ZSWIM8: variants seen among roughly 807,000 people sequenced by gnomAD.
ZSWIM8 encodes the protein zinc finger SWIM domain-containing protein 8.
ZSWIM8 carries 27 observed loss-of-function variants against 173.7 expected under a neutral mutation model. The observed-to-expected ratio is 0.16, with a 90% CI of 0.11 to 0.21. The LOEUF (loss-of-function observed/expected upper bound fraction) is 0.21. ZSWIM8 is among the 10% of genes least tolerant of loss of function. The pLI is 1.00. For missense variants in ZSWIM8, 1,627 were observed against 2,428.8 expected (o/e 0.67, Z 6.94); for synonymous variants, 958 against 962.0 (o/e 1.00, Z 0.08).
In ZSWIM8 at chr10:73,789,398, T is replaced by A; in HGVS notation, c.489T>A (p.Pro163=). 1 of 1,573,476 alleles carries A rather than the reference T, an allele frequency of 6.4e-7. No individual in the cohort carries two copies. Among genetic ancestry groups the A allele is most frequent in the Non-Finnish European group, 8.6e-7 (1 of 1,158,940 alleles). The change falls in exon 4 of 26, where the codon CCT becomes CCA. Residue 163 remains proline, a synonymous_variant. Coordinates refer to ENST00000604729, the MANE Select transcript of ZSWIM8 (RefSeq NM_001367799.1). The surrounding 1 kb of genome is among the most constrained non-coding windows in gnomAD (Gnocchi z 6.8). ...ACCTGAGTGCTACAGTGGTGCCACC[T>A]CAGATGGTCCCTCCTAAAGGGGCCT... ...GFHLSATVVP[P]QMVPPKGAYN...
At chr10:73,788,535 A>T in intron 1 of ZSWIM8, 135 bp from the exon 2 acceptor site, 2 of 1,085,470 alleles carry the variant, frequency 1.8e-6, no homozygotes, top group East Asian at 5.1e-5. Flanking sequence ...GATCCCTAGG[A>T]CTTTCATCCA....
Position 73,785,745 on chromosome 10 carries a change from C to T in ZSWIM8, c.-134C>T. On this transcript the variant is annotated 5_prime_UTR_variant, in exon 1 of 26. In the 5' UTR this introduces an upstream ATG that the reference lacks. Transcript: ENST00000604729. ...CCAGGCCTGAGATTCTCGCCCGGCACGGCCGCCCTGAGCGCCCCGGCCACC... is the reference window on the plus strand; with the variant it reads ...CCAGGCCTGAGATTCTCGCCCGGCATGGCCGCCCTGAGCGCCCCGGCCACC... 2.2e-6 allele frequency: 2 copies of T among 925,398 alleles called. No individual in the cohort carries two copies. Among genetic ancestry groups the T allele is most frequent in the Non-Finnish European group, 3.3e-6 (2 of 604,984 alleles). 57.3% of individuals were successfully genotyped at this position (925,398 alleles called of 1,614,324 possible).
chr10:73,787,268 G>A (rs2083261577), intron 1 of ZSWIM8, among the ~76,000 whole-genome samples: 1 of 152,096 alleles, frequency 6.6e-6, no homozygotes, highest in South Asian at 2.1e-4. Context: ...TAGGAGTGGC[G>A]GACTGGTGGC....
At chr10:73,788,985 C>A in intron 2 of ZSWIM8, 111 bp from the exon 3 acceptor site, 1 of 716,496 alleles carries the variant, frequency 1.4e-6, no homozygotes, top group Non-Finnish European at 2.2e-6. Flanking sequence ...ACCCCCCGCC[C>A]TGGGGAAGGA....
chr10:73,800,974 G>A lies in ZSWIM8; in HGVS notation c.5123-43G>A, dbSNP rs567650761. ...ATCTGTAAGTTGGGTCCCTAGGGCA[G>A]AGGTGGCCACCCCCGTCTCATGCCC... On this transcript the variant is annotated intron_variant, in intron 24 of 25. Coordinates refer to ENST00000604729, the MANE Select transcript of ZSWIM8 (RefSeq NM_001367799.1). This position sits in a 1 kb window ranked among gnomAD's most constrained non-coding sequence, Gnocchi z 4.1. 1.2e-4 allele frequency: 189 copies of A among 1,513,256 alleles called. No homozygotes were observed. In the Middle Eastern group the frequency reaches 2.7e-3, roughly 22 times the overall value. The allele number at this position is 1,513,256 out of a possible 1,614,324, so 93.7% of individuals were successfully genotyped here. A position where few individuals can be genotyped will look rare whatever the true frequency, so the allele number is the denominator to read the frequency against.
In ZSWIM8 at chr10:73,801,149, C is replaced by T. The variant is rs1177813289; in HGVS notation, c.5255C>T (p.Pro1752Leu). ...CATGCCCACAACCACCTGCGTGCCC[C>T]GGCCTTCCACCAACTGGTGCAGCGC... Reference protein sequence around the residue: ...PAHAHNHLRAPAFHQLVQRCQ... With the variant: ...PAHAHNHLRALAFHQLVQRCQ... The change falls in exon 25 of 26, where the codon CCG becomes CTG. Residue 1752 changes from proline to leucine, a missense_variant. Pro to Leu is a moderately conservative substitution (Grantham distance 98). Coordinates refer to ENST00000604729, the MANE Select transcript of ZSWIM8 (RefSeq NM_001367799.1). The surrounding 1 kb of genome is among the most constrained non-coding windows in gnomAD (Gnocchi z 4.9). 10 of 1,594,104 alleles carry T rather than the reference C, an allele frequency of 6.3e-6. No homozygotes were observed. Among genetic ancestry groups the T allele is most frequent in the Non-Finnish European group, 8.5e-6 (10 of 1,171,100 alleles).
chr10:73,790,407 T>C (rs374329130), intron 7 of ZSWIM8, 115 bp downstream of exon 7: 1 of 1,435,858 alleles, frequency 7.0e-7, no homozygotes, highest in South Asian at 1.4e-5. Context: ...TTCCCTGAAC[T>C]GGCACAGTGC....
In ZSWIM8 at chr10:73,798,433, C is replaced by T; in HGVS notation, c.4156C>T (p.Leu1386=). 6.2e-7 allele frequency: 1 copy of T among 1,613,916 alleles called. No homozygotes were observed. Among genetic ancestry groups the T allele is most frequent in the Non-Finnish European group, 8.5e-7 (1 of 1,179,864 alleles). The change falls in exon 20 of 26, where the codon CTG becomes TTG. Residue 1386 remains leucine, a synonymous_variant. Transcript: ENST00000604729. ...ALNPNEIQRA[L]VQCKEQDNLM... is the part of the protein sequence containing the mutation. ...GAACCCTAATGAGATCCAGCGGGCC[C>T]TGGTGCAGTGCAAGGAACAGGTATT...
chr10:73,795,131 A>T (rs750865531), intron 14 of ZSWIM8, among the ~76,000 whole-genome samples: 3 of 151,976 alleles, frequency 2.0e-5, no homozygotes, highest in Non-Finnish European at 4.4e-5. Flanking sequence ...ATTGTGTGCT[A>T]TGGGTATTGG....
rs200214824 is a variant in ZSWIM8 at position 73,794,573 on chromosome 10, C to T, written c.2842C>T (p.Arg948Cys). Residue 948 changes from arginine to cysteine, a missense_variant, in exon 14 of 26, where the codon CGC (arginine) becomes TGC (cysteine). By Grantham distance (180) the Arg-to-Cys change is radical. Transcript: ENST00000604729. ...TCCCACAGGTTCCCGGCCCCCAAGT[C>T]GCAACTGGAACAGCGAGACACCTGG... The part of the protein sequence containing the change: ...VSPTGSRPPS[R>C]NWNSETPGDE... 53 of 1,560,830 alleles carry T rather than the reference C, an allele frequency of 3.4e-5. No individual in the cohort carries two copies. In the African/African-American group the frequency reaches 6.3e-4, roughly 18 times the overall value.
chr10:73,795,766 TG>T, intron 15 of ZSWIM8, 103 bp downstream of exon 15: 3 of 1,323,010 alleles, frequency 2.3e-6, no homozygotes, highest in South Asian at 1.4e-5. Flanking sequence ...GAGACAAGCC[TG>T]GGCAACATGG....
rs777895624 is a variant in ZSWIM8 at position 73,800,316 on chromosome 10, T to C, written c.4846T>C (p.Ser1616Pro). 1 of 1,613,860 alleles carries C rather than the reference T, an allele frequency of 6.2e-7. No individual in the cohort carries two copies. The highest frequency in any genetic ancestry group is 8.5e-7 in the Non-Finnish European group (1 of 1,179,832). ...SVALSSVHPA[S>P]TFPAIQGASL... ...CTTAGTGAGCAGTGTCCATCCAGCA[T>C]CCACGTTTCCAGCCATCCAAGGTGC... The change falls in exon 23 of 26, where the codon TCC becomes CCC. Residue 1616 changes from serine (S) to proline (P), a missense_variant. Transcript: ENST00000604729. This position sits in a 1 kb window ranked among gnomAD's most constrained non-coding sequence, Gnocchi z 4.1.
In ZSWIM8 at chr10:73,794,606, G is replaced by A. The variant is rs2083544892; in HGVS notation, c.2875G>A (p.Glu959Lys). The change falls in exon 14 of 26, where the codon GAG becomes AAG. Residue 959 changes from glutamate (E) to lysine (K), a missense_variant. By Grantham distance (56) the Glu-to-Lys change is moderately conservative. Coordinates refer to ENST00000604729, the MANE Select transcript of ZSWIM8 (RefSeq NM_001367799.1). ...NWNSETPGDE[E>K]LGFEAAVAAL... ...GAACAGCGAGACACCTGGGGATGAG[G>A]AGCTTGGATTTGAAGCAGCAGTTGC... 6.4e-7 allele frequency: 1 copy of A among 1,556,218 alleles called. No homozygotes were observed. Among genetic ancestry groups the A allele is most frequent in the Non-Finnish European group, 8.7e-7 (1 of 1,149,402 alleles).
rs2083440477 is a variant in ZSWIM8 at position 73,792,196 on chromosome 10, G to A, written c.1657G>A (p.Gly553Ser). 6.5e-7 allele frequency: 1 copy of A among 1,536,546 alleles called. No individual in the cohort carries two copies. The highest frequency in any genetic ancestry group is 8.8e-7 in the Non-Finnish European group (1 of 1,142,808). Residue 553 changes from glycine (G) to serine (S), a missense_variant, in exon 10 of 26, where the codon GGT becomes AGT. Around this residue, in one of 18 missense-constraint regions of ZSWIM8, gnomAD observed 383 missense variants for 394.8 expected, o/e 0.97. Transcript: ENST00000604729. This position sits in a 1 kb window ranked among gnomAD's most constrained non-coding sequence, Gnocchi z 4.3. Reference sequence around the variant, plus strand: ...GCCTGGGACCAAGCGAAAGGGCTTGGGTGAGGGGGTCCCCTCATCACAGCG... The same window carrying A: ...GCCTGGGACCAAGCGAAAGGGCTTGAGTGAGGGGGTCCCCTCATCACAGCG... The part of the protein sequence containing the change: ...KEPGTKRKGL[G>S]EGVPSSQRGP...
At position 73,790,272 on chromosome 10, in the gene ZSWIM8, C is replaced by T; in HGVS notation, c.921C>T (p.Gly307=). 3 of 1,610,992 alleles carry T rather than the reference C, an allele frequency of 1.9e-6. No individual in the cohort carries two copies. The highest frequency in any genetic ancestry group is 2.2e-5 in the East Asian group (1 of 44,880). ...AAAAGACACTGCACAAGTTCTGTGG[C>T]CCCTCCCCTGTGGTCTTCAGGTAAA... ...NIKKTLHKFC[G]PSPVVFSDVN... is the part of the protein sequence containing the mutation. The change falls in exon 7 of 26, where the codon GGC becomes GGT. Residue 307 remains glycine (G), a synonymous_variant. Transcript: ENST00000604729.
At chr10:73,786,281 C>T (rs1394956229) in intron 1 of ZSWIM8, 195 bp downstream of exon 1, 4 of 600,546 alleles carry the variant, frequency 6.7e-6, no homozygotes, top group East Asian at 3.3e-5. Flanking sequence ...CTCGCTTTTC[C>T]GGCCTTCCTG....
rs772968037 is a variant in ZSWIM8, at chr10:73,789,411, C to T, written c.502C>T (p.Pro168Ser). ...ATVVPPQMVP[P>S]KGAYNVAVMF... is the part of the protein sequence containing the mutation. ...AGTGGTGCCACCTCAGATGGTCCCT[C>T]CTAAAGGGGCCTACAACGTGGCTGT... is the stretch of plus-strand genomic sequence containing the variant. Residue 168 changes from proline (P) to serine (S), a missense_variant, in exon 4 of 26, where the codon CCT becomes TCT. Pro to Ser is a moderately conservative substitution (Grantham distance 74, BLOSUM62 -1). Coordinates refer to ENST00000604729, the MANE Select transcript of ZSWIM8 (RefSeq NM_001367799.1). The surrounding 1 kb of genome is among the most constrained non-coding windows in gnomAD (Gnocchi z 6.8). The T allele has an allele frequency of 1.5e-5, 24 of 1,584,542 alleles. No homozygotes were observed. Among genetic ancestry groups the T allele is most frequent in the Non-Finnish European group, 2.0e-5 (23 of 1,165,358 alleles).
In ZSWIM8 at chr10:73,792,400, A is replaced by G. The variant is rs1445782010; in HGVS notation, c.1861A>G (p.Met621Val). Residue 621 changes from methionine to valine, a missense_variant, in exon 10 of 26, where the codon ATG becomes GTG. Physicochemically the swap from Met to Val is conservative, Grantham distance 21. Transcript: ENST00000604729. This position sits in a 1 kb window ranked among gnomAD's most constrained non-coding sequence, Gnocchi z 4.3. ...DSSLEPDLAE[M>V]SLDDSSLALG... Reference sequence around the variant, plus strand: ...CTCCCTGGAGCCAGACCTGGCCGAGATGAGCCTGGATGACAGCAGCCTGGC... The same window carrying G: ...CTCCCTGGAGCCAGACCTGGCCGAGGTGAGCCTGGATGACAGCAGCCTGGC... 4.4e-6 allele frequency: 7 copies of G among 1,604,332 alleles called. No homozygotes were observed. The highest frequency in any genetic ancestry group is 1.7e-5 in the Admixed American group (1 of 58,098).
Position 73,799,381 on chromosome 10 carries a change from A to C in ZSWIM8, c.4556A>C (p.His1519Pro). Residue 1519 changes from histidine (H) to proline (P), a missense_variant, in exon 21 of 26, where the codon CAC (histidine) becomes CCC (proline). His to Pro is a moderately conservative substitution (Grantham distance 77, BLOSUM62 -2). Around this residue, in one of 18 missense-constraint regions of ZSWIM8, gnomAD observed 275 missense variants for 290.1 expected, o/e 0.95. Transcript: ENST00000604729. The part of the protein sequence containing the change: ...GLHPYTALQP[H>P]LPCSPQYLTH... ...CACCCCTACACTGCTCTACAGCCCC[A>C]CCTGCCCTGTAGCCCTCAGTATCTC... 1 of 1,611,944 alleles carries C rather than the reference A, an allele frequency of 6.2e-7. No homozygotes were observed. Among genetic ancestry groups the C allele is most frequent in the Non-Finnish European group, 8.5e-7 (1 of 1,179,122 alleles).
Sources: gnomAD v4.1 joint callset for allele counts (sites outside exome capture counted in the v4.1 genomes callset) on GRCh38, gnomAD v4.1.1 for gene constraint, gnomAD v4.1.1 regional missense constraint, Gnocchi (gnomAD v3.1) non-coding constraint, MANE v1.5 for transcripts, NCBI Gene and HGNC (gene_info 2026-07-23, HGNC 2026-07-21) for gene names.